Variants in BRINP1 observed in about 807,000 individuals in gnomAD.
BRINP1 encodes BMP/retinoic acid inducible neural specific 1.
Under a neutral mutation model 72.9 loss-of-function variants are expected in BRINP1, and 17 were observed. That is an observed-to-expected ratio of 0.23 (90% confidence interval 0.16 to 0.35). The LOEUF (loss-of-function observed/expected upper bound fraction) is 0.35, where lower values mean the gene tolerates loss of function less well. Ranked by LOEUF, BRINP1 falls within the 10% of genes least tolerant of loss-of-function variation. The probability of loss-of-function intolerance (pLI) is 1.00; values close to 1 mark genes in which losing one functional copy is unlikely to be tolerated. For synonymous variants in BRINP1, 418 were observed against 378.5 expected (o/e 1.10, Z -1.21); for missense variants, 850 against 1,001.6 (o/e 0.85, Z 2.04).
At chr9:119,211,032 A>T (rs1829920195) in intron 6 of BRINP1, among the ~76,000 whole-genome samples, 1 of 151,996 alleles carries the variant, frequency 6.6e-6, no homozygotes, top group Non-Finnish European at 1.5e-5. Flanking sequence ...GGACAGCTAG[A>T]CTCTCCTCTC....
intron 7 of BRINP1, among the ~76,000 whole-genome samples, chr9:119,202,290 T>C (rs1364485968): frequency 1.3e-5 from 2 of 152,146 alleles, no homozygotes; most frequent in Non-Finnish European, 2.9e-5. Flanking sequence ...GCTTTAGAAG[T>C]GTTAACTATT....
intron 5 of BRINP1, among the ~76,000 whole-genome samples, chr9:119,232,575 A>G (rs141957641): frequency 1.5e-4 from 23 of 152,242 alleles, no homozygotes; most frequent in Non-Finnish European, 2.1e-4. Context: ...CCATATCCAC[A>G]CATCAATTAT....
At chr9:119,258,356 G>T (rs765388542) in intron 2 of BRINP1, among the ~76,000 whole-genome samples, 1 of 152,190 alleles carries the variant, frequency 6.6e-6, no homozygotes, top group African/African-American at 2.4e-5. Context: ...GCCATTTCCA[G>T]AAAAGCAAGT....
intron 7 of BRINP1, among the ~76,000 whole-genome samples, chr9:119,193,593 T>A (rs1829704144): frequency 6.6e-6 from 1 of 152,242 alleles, no homozygotes; most frequent in Admixed American, 6.5e-5. Flanking sequence ...ATGATAGCTA[T>A]GTTAATCTGC....
In BRINP1 at chr9:119,167,787, A is replaced by T; in HGVS notation, c.1583T>A (p.Leu528His). 6.2e-7 allele frequency: 1 copy of T among 1,613,906 alleles called. No homozygotes were observed. Among genetic ancestry groups the T allele is most frequent in the South Asian group, 1.1e-5 (1 of 91,066 alleles). ...PRWRKRMSLT[L>H]KSNKNRMDFI... ...GTCCATGCGGTTCTTGTTGCTCTTG[A>T]GAGTGAGGGACATGCGCTTGCGCCA... is the stretch of plus-strand genomic sequence containing the variant. Residue 528 changes from leucine to histidine, a missense_variant, in exon 8 of 8, where the codon CTC (leucine) becomes CAC (histidine). By Grantham distance (99) the Leu-to-His change is moderately conservative. Coordinates refer to ENST00000265922, the MANE Select transcript of BRINP1 (RefSeq NM_014618.3). This position sits in a 1 kb window ranked among gnomAD's most constrained non-coding sequence, Gnocchi z 4.3.
At chr9:119,229,033 T>A (rs78898563) in intron 5 of BRINP1, among the ~76,000 whole-genome samples, 2 of 152,164 alleles carry the variant, frequency 1.3e-5, no homozygotes, top group African/African-American at 4.8e-5. Flanking sequence ...ACACTTTTTA[T>A]GTATATGTAT....
At chr9:119,193,982 G>A (rs1270731068) in intron 7 of BRINP1, among the ~76,000 whole-genome samples, 1 of 152,138 alleles carries the variant, frequency 6.6e-6, no homozygotes, top group Non-Finnish European at 1.5e-5. Flanking sequence ...ATTCTAAGCA[G>A]TCTGGCCACT....
intron 7 of BRINP1, among the ~76,000 whole-genome samples, chr9:119,174,633 T>C (rs375955464): frequency 4.8e-5 from 7 of 147,206 alleles, no homozygotes; most frequent in African/African-American, 1.8e-4. Context: ...ACCCAAAGGA[T>C]TATAAATCAT....
chr9:119,313,468 G>C, intron 1 of BRINP1, 63 bp from the exon 2 acceptor site: 1 of 1,405,276 alleles, frequency 7.1e-7, no homozygotes, highest in Non-Finnish European at 9.4e-7. Context: ...GAGAGGAGAG[G>C]GGAAGAGGAG....
At chr9:119,173,826 G>T (rs1296128520) in intron 7 of BRINP1, among the ~76,000 whole-genome samples, 1 of 143,586 alleles carries the variant, frequency 7.0e-6, no homozygotes, top group East Asian at 2.0e-4. Flanking sequence ...AGAGCCCTCA[G>T]AAATAATGCC....
intron 7 of BRINP1, among the ~76,000 whole-genome samples, chr9:119,195,564 T>C (rs1038965350): frequency 6.6e-6 from 1 of 152,244 alleles, no homozygotes; most frequent in African/African-American, 2.4e-5. Context: ...GTATTTGTCT[T>C]GGTAATAGTT....
chr9:119,321,906 C>T (rs1032993480), intron 1 of BRINP1, among the ~76,000 whole-genome samples: 44 of 152,224 alleles, frequency 2.9e-4, no homozygotes, highest in South Asian at 2.1e-4. Context: ...TATTGGGCAG[C>T]GGGGGTCAGG....
At chr9:119,275,061 G>T (rs1830643244) in intron 2 of BRINP1, among the ~76,000 whole-genome samples, 1 of 152,182 alleles carries the variant, frequency 6.6e-6, no homozygotes, top group Non-Finnish European at 1.5e-5. Flanking sequence ...TCAATCATAA[G>T]TAAAACCAGA....
chr9:119,304,736 G>T (rs1000644612), intron 2 of BRINP1, among the ~76,000 whole-genome samples: 2 of 152,242 alleles, frequency 1.3e-5, no homozygotes, highest in African/African-American at 4.8e-5. Flanking sequence ...CAGTAGGTCT[G>T]CAGCCTGCAG....
At chr9:119,263,165 C>T (rs958148435) in intron 2 of BRINP1, among the ~76,000 whole-genome samples, 2 of 152,156 alleles carry the variant, frequency 1.3e-5, no homozygotes, top group African/African-American at 4.8e-5. Context: ...GACGTGAGGT[C>T]AGCCACCCGC....
chr9:119,328,956 C>A (rs1007308062), intron 1 of BRINP1, among the ~76,000 whole-genome samples: 4 of 152,266 alleles, frequency 2.6e-5, no homozygotes, highest in African/African-American at 9.6e-5. Context: ...ATCATAAAAA[C>A]CCACCACTAA....
intron 5 of BRINP1, among the ~76,000 whole-genome samples, chr9:119,219,583 T>A (rs570122694): frequency 6.6e-6 from 1 of 151,376 alleles, no homozygotes; most frequent in South Asian, 2.1e-4. Flanking sequence ...CAGGCAGCTG[T>A]GCTGTGGATA....
intron 2 of BRINP1, among the ~76,000 whole-genome samples, chr9:119,275,774 A>G (rs1830650600): frequency 6.6e-6 from 1 of 152,220 alleles, no homozygotes; most frequent in South Asian, 2.1e-4. Context: ...TTCAAGAAGC[A>G]TGCTCTACTA....
chr9:119,277,826 G>A (rs570833785), intron 2 of BRINP1, among the ~76,000 whole-genome samples: 1 of 152,236 alleles, frequency 6.6e-6, no homozygotes, highest in East Asian at 1.9e-4. Context: ...AGAAGGAATT[G>A]AGGAATATTG....
Sources: gnomAD v4.1 joint callset for allele counts (sites outside exome capture counted in the v4.1 genomes callset) on GRCh38, gnomAD v4.1.1 for gene constraint, Gnocchi (gnomAD v3.1) non-coding constraint, MANE v1.5 for transcripts, NCBI Gene and HGNC (gene_info 2026-07-23, HGNC 2026-07-21) for gene names.